ACYP2: variants seen among roughly 807,000 people sequenced by gnomAD.
ACYP2 encodes the protein acylphosphatase-2.
Under a neutral mutation model 11.2 loss-of-function variants are expected in ACYP2, and 12 were observed. That is an observed-to-expected ratio of 1.08 (90% confidence interval 0.69 to 1.74). The LOEUF is 1.74. Ranked by LOEUF, ACYP2 falls within the 40% of genes most tolerant of loss-of-function variation. The pLI is 0.00. For synonymous variants in ACYP2, 43 were observed against 32.2 expected (o/e 1.33, Z -1.13); for missense variants, 134 against 101.9 (o/e 1.31, Z -1.35).
At chr2:54,214,209 T>C (rs1057365239) in intron 6 of ACYP2, among the ~76,000 whole-genome samples, 1 of 152,198 alleles carries the variant, frequency 6.6e-6, no homozygotes, top group African/African-American at 2.4e-5. Flanking sequence ...ACTCTGCTGA[T>C]AGTTTATTTT....
chr2:54,280,593 G>A (rs961304778), intron 6 of ACYP2, among the ~76,000 whole-genome samples: 4 of 152,192 alleles, frequency 2.6e-5, no homozygotes, highest in Non-Finnish European at 5.9e-5. Flanking sequence ...AGAGACACAG[G>A]AGGGAGGCAA....
intron 4 of ACYP2, chr2:54,115,653 GC>G: frequency 1.3e-6 from 2 of 1,593,812 alleles, no homozygotes; most frequent in Non-Finnish European, 1.7e-6. Flanking sequence ...CAGTCGCTGC[GC>G]CCCGAGCCCC....
At chr2:54,252,399 A>ATATT (rs1176667550) in intron 6 of ACYP2, among the ~76,000 whole-genome samples, 4 of 152,128 alleles carry the variant, frequency 2.6e-5, no homozygotes, top group African/African-American at 9.7e-5. Context: ...ATATATGTAT[A>ATATT]TATTTCCGTT....
At chr2:54,093,765 C>T (rs1678362202) in intron 4 of ACYP2, among the ~76,000 whole-genome samples, 1 of 152,134 alleles carries the variant, frequency 6.6e-6, no homozygotes. Flanking sequence ...ACGGTGAAAA[C>T]CCGTCTCTAC....
chr2:54,105,785 C>A (rs1207364803), intron 4 of ACYP2, among the ~76,000 whole-genome samples: 1 of 152,124 alleles, frequency 6.6e-6, no homozygotes, highest in African/African-American at 2.4e-5. Flanking sequence ...TGAGCCATTG[C>A]GCCTGGACCC....
chr2:54,135,526 T>A, intron 5 of ACYP2, 57 bp downstream of exon 2: 2 of 1,504,580 alleles, frequency 1.3e-6, no homozygotes, highest in Non-Finnish European at 1.8e-6. Flanking sequence ...TATTCCCAAT[T>A]ACAGAGATAG....
intron 6 of ACYP2, among the ~76,000 whole-genome samples, chr2:54,287,029 T>C (rs571739849): frequency 2.6e-5 from 4 of 152,184 alleles, no homozygotes; most frequent in African/African-American, 9.7e-5. Context: ...CCCCAATTTT[T>C]TGATACTCTT....
Position 54,138,690 on chromosome 2 carries a change from A to G in ACYP2, c.346A>G (p.Thr116Ala). 6.2e-7 allele frequency: 1 copy of G among 1,614,154 alleles called. No homozygotes were observed. Among genetic ancestry groups the G allele is most frequent in the Non-Finnish European group, 8.5e-7 (1 of 1,179,988 alleles). The change falls in exon 6 of 7, where the codon ACC becomes GCC. Residue 116 changes from threonine (T) to alanine (A), a missense_variant. Coordinates refer to ENST00000607452, the MANE Select transcript of ACYP2 (RefSeq NM_001320586.2). ...AGGAGTGGTTGGCTGGGTGAAGAAT[A>G]CCAGCAAAGGCACCGTGACAGGCCA...
intron 6 of ACYP2, among the ~76,000 whole-genome samples, chr2:54,288,472 C>T (rs570189041): frequency 6.6e-6 from 1 of 152,156 alleles, no homozygotes; most frequent in Non-Finnish European, 1.5e-5. Context: ...GGCCAGGTTT[C>T]ACCTAGGCTA....
chr2:54,240,596 C>T (rs549259282), intron 6 of ACYP2, among the ~76,000 whole-genome samples: 1 of 152,264 alleles, frequency 6.6e-6, no homozygotes, highest in South Asian at 2.1e-4. Context: ...GTCCTCAAAA[C>T]TTTGTCTTTG....
At chr2:54,067,285 T>C (rs750128902) in intron 4 of ACYP2, among the ~76,000 whole-genome samples, 4 of 152,224 alleles carry the variant, frequency 2.6e-5, no homozygotes, top group Non-Finnish European at 5.9e-5. Context: ...TACATCTTCA[T>C]ATTTTTTTCT....
At chr2:54,301,191 AT>A (rs1689710945) in intron 6 of ACYP2, among the ~76,000 whole-genome samples, 1 of 152,148 alleles carries the variant, frequency 6.6e-6, no homozygotes, top group Non-Finnish European at 1.5e-5. Context: ...AATGTTTTGC[AT>A]TTTTTAAATT....
intron 6 of ACYP2, among the ~76,000 whole-genome samples, chr2:54,274,047 C>T (rs1688436267): frequency 6.6e-6 from 1 of 152,136 alleles, no homozygotes; most frequent in Non-Finnish European, 1.5e-5. Flanking sequence ...TTTCACACCG[C>T]TGATAAAGAC....
chr2:54,012,636 ACTC>A (rs772168058), intron 2 of ACYP2, among the ~76,000 whole-genome samples: 10 of 151,142 alleles, frequency 6.6e-5, no homozygotes, highest in African/African-American at 2.2e-4. Flanking sequence ...GAATCTGGTG[ACTC>A]CTCTATCCTC....
chr2:54,297,256 G>C (rs1272124302), intron 6 of ACYP2, among the ~76,000 whole-genome samples: 1 of 148,706 alleles, frequency 6.7e-6, no homozygotes, highest in Middle Eastern at 3.4e-3. Flanking sequence ...CACTTTAGGA[G>C]GCCAAGGTGG....
At chr2:53,998,830 C>A (rs1273790788) in intron 2 of ACYP2, among the ~76,000 whole-genome samples, 1 of 151,956 alleles carries the variant, frequency 6.6e-6, no homozygotes. Flanking sequence ...AAAAAAATTT[C>A]CCTTCTAATG....
intron 4 of ACYP2, among the ~76,000 whole-genome samples, chr2:54,093,577 G>A (rs968341173): frequency 6.6e-6 from 1 of 152,196 alleles, no homozygotes; most frequent in Non-Finnish European, 1.5e-5. Flanking sequence ...CTGTGTCTGG[G>A]TACAGGTCAC....
chr2:54,277,473 T>A (rs1232977757), intron 6 of ACYP2, among the ~76,000 whole-genome samples: 24 of 151,864 alleles, frequency 1.6e-4, no homozygotes, highest in Admixed American at 1.6e-3. Context: ...AGGTCAGGAG[T>A]TCGAGACCAG....
At chr2:54,244,315 C>T (rs895929177) in intron 6 of ACYP2, among the ~76,000 whole-genome samples, 2 of 152,186 alleles carry the variant, frequency 1.3e-5, no homozygotes, top group Non-Finnish European at 2.9e-5. Context: ...AATTCTTGCG[C>T]CTTAGCCTCC....
Sources: allele counts gnomAD v4.1 joint callset (sites outside exome capture counted in the v4.1 genomes callset), GRCh38; gene constraint gnomAD v4.1.1; transcripts MANE v1.5; gene names NCBI Gene and HGNC (gene_info 2026-07-23, HGNC 2026-07-21).